POU2AF2: variants seen among roughly 807,000 people sequenced by gnomAD.
POU2AF2 encodes POU class 2 homeobox associating factor 2, also known as POU domain class 2-associating factor 2.
the POU2AF2 span, among the ~76,000 whole-genome samples, chr11:111,254,571 T>A: frequency 6.6e-6 from 1 of 152,202 alleles, no homozygotes; most frequent in Non-Finnish European, 1.5e-5. Flanking sequence ...TGAGAGATTA[T>A]TATTGTTCCA....
chr11:111,268,901 AT>A, the POU2AF2 span, among the ~76,000 whole-genome samples: 1 of 151,038 alleles, frequency 6.6e-6, no homozygotes, highest in East Asian at 1.9e-4. Flanking sequence ...TATTATCTTT[AT>A]TTTTCTTAAA....
At chr11:111,264,577 G>GGAAA in the POU2AF2 span, among the ~76,000 whole-genome samples, 11 of 22,930 alleles carry the variant, frequency 4.8e-4, 2 homozygotes, top group Admixed American at 1.2e-3. Context: ...AGAAAGAAAG[G>GGAAA]GAGAGAGAAA....
At chr11:111,267,992 T>C in the POU2AF2 span, among the ~76,000 whole-genome samples, 1 of 152,340 alleles carries the variant, frequency 6.6e-6, no homozygotes, top group South Asian at 2.1e-4. Flanking sequence ...ACCATACTAC[T>C]GCTCTTTGGC....
chr11:111,249,479 T>A, the POU2AF2 span, among the ~76,000 whole-genome samples: 1 of 152,202 alleles, frequency 6.6e-6, no homozygotes, highest in Non-Finnish European at 1.5e-5. Context: ...AGCATTCACT[T>A]ACCTGTACCC....
the POU2AF2 span, among the ~76,000 whole-genome samples, chr11:111,281,979 C>T: frequency 1.0e-3 from 153 of 152,258 alleles, no homozygotes; most frequent in African/African-American, 3.6e-3. Flanking sequence ...GTTTTATCAC[C>T]TTCAGAGCTG....
the POU2AF2 span, among the ~76,000 whole-genome samples, chr11:111,258,439 T>C: frequency 6.6e-6 from 1 of 152,134 alleles, no homozygotes; most frequent in African/African-American, 2.4e-5. Flanking sequence ...AATGCCTGTA[T>C]ACAAATGATA....
chr11:111,285,798 G>T, the POU2AF2 span: 11,228 of 1,609,492 alleles, frequency 7.0e-3, 620 homozygotes, highest in African/African-American at 0.13. Context: ...GGCTCAAGCT[G>T]GGGGTCATCC....
At chr11:111,277,481 T>C in the POU2AF2 span, among the ~76,000 whole-genome samples, 1 of 152,198 alleles carries the variant, frequency 6.6e-6, no homozygotes, top group Non-Finnish European at 1.5e-5. Context: ...TTAGAGCAGA[T>C]ATGTCAAAAG....
the POU2AF2 span, among the ~76,000 whole-genome samples, chr11:111,280,219 G>C: frequency 1.3e-4 from 20 of 151,668 alleles, no homozygotes; most frequent in Middle Eastern, 3.4e-3. Flanking sequence ...CCTGTTCTAG[G>C]CACTGAGGGC....
At chr11:111,260,406 G>C in the POU2AF2 span, among the ~76,000 whole-genome samples, 1 of 152,166 alleles carries the variant, frequency 6.6e-6, no homozygotes, top group East Asian at 1.9e-4. Context: ...TTATACGGCA[G>C]AATTTGTGGT....
the POU2AF2 span, among the ~76,000 whole-genome samples, chr11:111,253,242 A>G: frequency 6.6e-6 from 1 of 152,316 alleles, no homozygotes; most frequent in East Asian, 1.9e-4. Flanking sequence ...CCTGTGTGTC[A>G]GAAATCAGTG....
the POU2AF2 span, among the ~76,000 whole-genome samples, chr11:111,276,469 T>TATATAC: frequency 8.5e-6 from 1 of 116,968 alleles, no homozygotes; most frequent in East Asian, 2.5e-4. Flanking sequence ...TATATATATA[T>TATATAC]ATATATATAT....
At chr11:111,272,216 T>A in the POU2AF2 span, among the ~76,000 whole-genome samples, 1 of 152,102 alleles carries the variant, frequency 6.6e-6, no homozygotes, top group Non-Finnish European at 1.5e-5. Flanking sequence ...GACTCAGATA[T>A]CATCTATGTT....
At chr11:111,257,064 C>G in the POU2AF2 span, among the ~76,000 whole-genome samples, 1 of 152,222 alleles carries the variant, frequency 6.6e-6, no homozygotes, top group Non-Finnish European at 1.5e-5. Context: ...TTACCAAGAT[C>G]AGCATATAAA....
chr11:111,248,452 A>G, the POU2AF2 span, among the ~76,000 whole-genome samples: 9 of 152,300 alleles, frequency 5.9e-5, no homozygotes, highest in East Asian at 3.9e-4. Flanking sequence ...CAGAGAATGG[A>G]CCAAATATAG....
chr11:111,254,451 G>C, the POU2AF2 span, among the ~76,000 whole-genome samples: 1 of 152,144 alleles, frequency 6.6e-6, no homozygotes, highest in African/African-American at 2.4e-5. Flanking sequence ...TATGAAGCTT[G>C]TTAGCTTTCA....
the POU2AF2 span, among the ~76,000 whole-genome samples, chr11:111,261,416 G>GA: frequency 6.6e-6 from 1 of 152,010 alleles, no homozygotes; most frequent in East Asian, 1.9e-4. Flanking sequence ...ATTATATGTA[G>GA]AAAAAAGGCA....
At chr11:111,284,151 A>C in the POU2AF2 span, 1 of 1,614,156 alleles carries the variant, frequency 6.2e-7, no homozygotes, top group African/African-American at 1.3e-5. Context: ...AACAGTAAAC[A>C]GTTTTCAAAT....
the POU2AF2 span, among the ~76,000 whole-genome samples, chr11:111,283,301 G>A: frequency 6.6e-6 from 1 of 151,888 alleles, no homozygotes; most frequent in African/African-American, 2.4e-5. Context: ...CGCCAGCCTG[G>A]GCCTCCCAAA....
Sources: gnomAD v4.1 joint callset for allele counts (sites outside exome capture counted in the v4.1 genomes callset) on GRCh38, gnomAD v4.1.1 for gene constraint, MANE v1.5 for transcripts, NCBI Gene and HGNC (gene_info 2026-07-23, HGNC 2026-07-21) for gene names.